ANKS3: variants seen among roughly 807,000 people sequenced by gnomAD.
ANKS3 encodes ankyrin repeat and SAM domain-containing protein 3.
In ANKS3, 62 loss-of-function variants were observed where a neutral mutation model predicts 80.7. The ratio of observed to expected loss-of-function variants is 0.77; its 90% CI spans 0.63 to 0.95. The LOEUF (loss-of-function observed/expected upper bound fraction) is 0.95, where lower values mean the gene tolerates loss of function less well. Among genes scored for constraint, ANKS3 ranks in the 40% least tolerant of loss-of-function variants. The pLI, the probability that ANKS3 is intolerant of heterozygous loss-of-function variation, is 0.00. For missense variants in ANKS3, 1,150 were observed against 883.6 expected, an observed-to-expected ratio of 1.30 and a Z score of -3.82; for synonymous variants, 489 against 355.3, an observed-to-expected ratio of 1.38 and a Z score of -4.23.
intron 6 of ANKS3, among the ~76,000 whole-genome samples, chr16:4,724,395 C>G (rs2081252504): frequency 6.6e-6 from 1 of 152,182 alleles, no homozygotes; most frequent in African/African-American, 2.4e-5. Context: ...TTTCTCAAAC[C>G]AAGTGGGCAT....
rs960114978 is a variant in ANKS3, at chr16:4,731,556, T to C, written c.-47A>G. 3.4e-5 allele frequency: 29 copies of C among 864,112 alleles called. No individual in the cohort carries two copies. Among genetic ancestry groups the C allele is most frequent in the South Asian group, 5.3e-5 (1 of 18,832 alleles). The allele number at this position is 864,112 out of a possible 1,614,324, so 53.5% of individuals were successfully genotyped here. On this transcript the variant is annotated 5_prime_UTR_variant, in exon 2 of 18. Transcript: ENST00000304283. ...TCAGCCTCTCAAAGTCCTGGAAATATAGGCGTGAGCCACTGCACCTGGCCT... is the reference window on the plus strand; with the variant it reads ...TCAGCCTCTCAAAGTCCTGGAAATACAGGCGTGAGCCACTGCACCTGGCCT...
In ANKS3 at chr16:4,727,039, C is replaced by A. The variant is rs367821070; in HGVS notation, c.309G>T (p.Gln103His). ...AGCTGGAGGCCAGCATCAGTGGAGT[C>A]TGCCCTTCTGGGGTCGGCACATTCA... ...VSVNVPTPEG[Q>H]TPLMLASSCG... Residue 103 changes from glutamine (Q) to histidine (H), a missense_variant, in exon 4 of 18, where the codon CAG becomes CAT. Physicochemically the swap from Gln to His is conservative, Grantham distance 24. Transcript: ENST00000304283. The A allele has an allele frequency of 6.2e-7, 1 of 1,614,072 alleles. No individual in the cohort carries two copies. Among genetic ancestry groups the A allele is most frequent in the African/African-American group, 1.3e-5 (1 of 74,940 alleles).
At chr16:4,718,674 G>A (rs1035317814) in intron 6 of ANKS3, among the ~76,000 whole-genome samples, 3 of 152,232 alleles carry the variant, frequency 2.0e-5, no homozygotes, top group African/African-American at 7.2e-5. Flanking sequence ...GAGCTTCCAG[G>A]CAGGGCTTGC....
At chr16:4,720,055 G>A (rs550699691) in intron 6 of ANKS3, among the ~76,000 whole-genome samples, 2 of 149,106 alleles carry the variant, frequency 1.3e-5, no homozygotes, top group African/African-American at 2.5e-5. Flanking sequence ...CCAGCTACTC[G>A]GGAGGCTGAG....
In ANKS3 at chr16:4,697,111, A is replaced by C. The variant is rs749189857; in HGVS notation, c.1895-7T>G. 1.2e-6 allele frequency: 2 copies of C among 1,612,860 alleles called. No homozygotes were observed. Among genetic ancestry groups the C allele is most frequent in the African/African-American group, 2.7e-5 (2 of 74,846 alleles). On this transcript the variant is annotated splice_polypyrimidine_tract_variant and splice_region_variant and intron_variant, in intron 16 of 17. Transcript: ENST00000304283. Reference sequence around the variant, plus strand: ...ACTAAGCACAGTGCTTGCCCTGAGGAATGATGACCTTGAGCCTCTCCCGGC... The same window carrying C: ...ACTAAGCACAGTGCTTGCCCTGAGGCATGATGACCTTGAGCCTCTCCCGGC...
At chr16:4,702,942 T>A (rs1422511221) in intron 8 of ANKS3, among the ~76,000 whole-genome samples, 1 of 152,140 alleles carries the variant, frequency 6.6e-6, no homozygotes, top group African/African-American at 2.4e-5. Context: ...ACTGGAGCCT[T>A]CAGTGAGCTA....
intron 13 of ANKS3, 100 bp from the exon 14 acceptor site, chr16:4,698,699 C>A: frequency 6.5e-7 from 1 of 1,531,588 alleles, no homozygotes; most frequent in Non-Finnish European, 8.7e-7. Context: ...CTCCCCACTG[C>A]ATCCACCTGA....
At chr16:4,713,946 A>G in intron 7 of ANKS3, 105 bp downstream of exon 7, 1 of 1,472,062 alleles carries the variant, frequency 6.8e-7, no homozygotes, top group Non-Finnish European at 9.1e-7. Flanking sequence ...CAAATCTCAG[A>G]GAAGGTGGGA....
rs979154751 is a variant in ANKS3, at chr16:4,728,308, G to T, written c.171-1131C>A. 2.6e-5 allele frequency among the ~76,000 whole-genome samples: 4 copies of T among 152,172 alleles called. No individual in the cohort carries two copies. The South Asian group carries it at 6.2e-4, about 24-fold the overall frequency. ...GATCCACCCGCCTTAGCCTCCCAAA[G>T]TGCTGGATTACAGGCGTGAGCCACC... On this transcript the variant is annotated intron_variant, in intron 3 of 17. Coordinates refer to ENST00000304283, the MANE Select transcript of ANKS3 (RefSeq NM_133450.4).
At chr16:4,700,676 G>A (rs746046391) in intron 11 of ANKS3, 40 of 502,498 alleles carry the variant, frequency 8.0e-5, no homozygotes, top group Admixed American at 1.8e-4. Context: ...ACTCCTGCAG[G>A]CAGCTCTGAG....
chr16:4,709,866 C>T (rs1344212628), intron 7 of ANKS3, among the ~76,000 whole-genome samples: 1 of 151,850 alleles, frequency 6.6e-6, no homozygotes, highest in Non-Finnish European at 1.5e-5. Flanking sequence ...AAAACATTAG[C>T]CAGGTGTGGT....
rs182202942 is a variant in ANKS3, at chr16:4,718,846, T to G, written c.574-4660A>C. 9.8e-4 allele frequency among the ~76,000 whole-genome samples: 150 copies of G among 152,312 alleles called. 1 individual carries two copies. The highest frequency in any genetic ancestry group is 9.0e-3 in the Admixed American group (137 of 15,294). ...CCTGAGTCTGATAATTTTGTGTGAC[T>G]GGGAAAGAGAACATTTTTGCTTTTA... On this transcript the variant is annotated intron_variant, in intron 6 of 17. Transcript: ENST00000304283.
chr16:4,725,411 A>T (rs1353280582), intron 5 of ANKS3, among the ~76,000 whole-genome samples: 1 of 152,180 alleles, frequency 6.6e-6, no homozygotes, highest in South Asian at 2.1e-4. Flanking sequence ...CCATCTTAAG[A>T]CACACAGTGT....
chr16:4,708,640 A>G (rs886509655), intron 7 of ANKS3, among the ~76,000 whole-genome samples: 7 of 152,154 alleles, frequency 4.6e-5, no homozygotes, highest in African/African-American at 1.7e-4. Flanking sequence ...TTAACTTAAG[A>G]AAAAAAGGAA....
At chr16:4,699,199 T>G (rs777479053) in intron 11 of ANKS3, 23 bp from the exon 12 acceptor site, 11 of 1,612,982 alleles carry the variant, frequency 6.8e-6, no homozygotes, top group Non-Finnish European at 9.3e-6. Context: ...GGGGACAGGT[T>G]GGGGGAGGTA....
rs750801351 is a variant in ANKS3 at position 4,701,004 on chromosome 16, G to C, written c.1250C>G (p.Pro417Arg). 6 of 1,613,892 alleles carry C rather than the reference G, an allele frequency of 3.7e-6. No individual in the cohort carries two copies. In the South Asian group the frequency reaches 6.6e-5, roughly 18 times the overall value. Residue 417 changes from proline to arginine, a missense_variant, in exon 11 of 18, where the codon CCC (proline) becomes CGC (arginine). Coordinates refer to ENST00000304283, the MANE Select transcript of ANKS3 (RefSeq NM_133450.4). ...DREGFLAESS[P>R]QTQRAPYSGP... ...TGAGTAGGGGGCCCTCTGAGTCTGG[G>C]GGCTGGACTCAGCGAGAAAGCCTTC...
In ANKS3 at chr16:4,696,820, T is replaced by C. The variant is rs989079869; in HGVS notation, c.*88A>G. On this transcript the variant is annotated 3_prime_UTR_variant, in exon 18 of 18. Transcript: ENST00000304283. ...GCCCCCACTGGGCCTGGGCTGCACA[T>C]GGCAGCTACCTGCTCACTGTCCTCC... The C allele has an allele frequency of 4.8e-6, 3 of 621,832 alleles. No homozygotes were observed. The African/African-American group carries it at 5.5e-5, about 11-fold the overall frequency. The allele number at this position is 621,832 out of a possible 1,614,324, so 38.5% of individuals were successfully genotyped here.
At chr16:4,730,545 G>A (rs570914476) in intron 2 of ANKS3, among the ~76,000 whole-genome samples, 1 of 152,242 alleles carries the variant, frequency 6.6e-6, no homozygotes, top group East Asian at 1.9e-4. Flanking sequence ...ATGTGGTGGG[G>A]AAGAACCCTG....
chr16:4,702,388 T>G (rs575828723), intron 8 of ANKS3, 146 bp from the exon 9 acceptor site: 10 of 879,590 alleles, frequency 1.1e-5, no homozygotes, highest in Non-Finnish European at 1.6e-5. Flanking sequence ...ATCTGTGGTG[T>G]GTGGGTGGAA....
Sources: gnomAD v4.1 joint callset for allele counts (sites outside exome capture counted in the v4.1 genomes callset) on GRCh38, gnomAD v4.1.1 for gene constraint, MANE v1.5 for transcripts, NCBI Gene and HGNC (gene_info 2026-07-23, HGNC 2026-07-21) for gene names.